Variants in PDIA5 observed in about 807,000 individuals in gnomAD.
PDIA5 encodes the protein protein disulfide isomerase family A member 5.
In PDIA5, 58 loss-of-function variants were observed where a neutral mutation model predicts 77.6. The observed-to-expected ratio is 0.75, with a 90% CI of 0.61 to 0.93. The LOEUF is 0.93. Among genes scored for constraint, PDIA5 ranks in the 40% least tolerant of loss-of-function variants. PDIA5 has a pLI of 0.00. For synonymous variants in PDIA5, 250 were observed against 252.1 expected (o/e 0.99, Z 0.08); for missense variants, 630 against 647.7 (o/e 0.97, Z 0.30).
chr3:123,118,087 C>A (rs1392621222), intron 8 of PDIA5, among the ~76,000 whole-genome samples: 2 of 152,214 alleles, frequency 1.3e-5, no homozygotes, highest in African/African-American at 4.8e-5. Context: ...AGTGGCAGCA[C>A]CTGGGCATGG....
At chr3:123,088,189 T>C (rs2107918399) in intron 1 of PDIA5, among the ~76,000 whole-genome samples, 1 of 152,342 alleles carries the variant, frequency 6.6e-6, no homozygotes, top group East Asian at 1.9e-4. Flanking sequence ...GTTGCCCAGC[T>C]GTGCAATCTG....
chr3:123,151,165 G>C (rs1007801956), intron 14 of PDIA5, among the ~76,000 whole-genome samples: 1 of 152,138 alleles, frequency 6.6e-6, no homozygotes, highest in Admixed American at 6.5e-5. Context: ...TGTTCTCAGG[G>C]TCTGAGAGGG....
intron 1 of PDIA5, 129 bp downstream of exon 1, chr3:123,067,335 A>C: frequency 1.2e-6 from 1 of 801,364 alleles, no homozygotes; most frequent in Non-Finnish European, 1.7e-6. Context: ...GAGGGCGTGC[A>C]TGCCAGGCAG....
chr3:123,149,127 A>G (rs1181654543), intron 13 of PDIA5, among the ~76,000 whole-genome samples: 3 of 152,208 alleles, frequency 2.0e-5, no homozygotes, highest in South Asian at 4.2e-4. Flanking sequence ...AGCACAGGAG[A>G]AGGTGAGAGG....
intron 13 of PDIA5, among the ~76,000 whole-genome samples, chr3:123,146,665 G>C (rs1297463263): frequency 6.6e-6 from 1 of 152,212 alleles, no homozygotes; most frequent in East Asian, 1.9e-4. Context: ...CCACAGGGCA[G>C]GCTATGGTGG....
At chr3:123,143,759 G>A (rs575885864) in intron 11 of PDIA5, among the ~76,000 whole-genome samples, 3 of 152,288 alleles carry the variant, frequency 2.0e-5, no homozygotes, top group Admixed American at 6.5e-5. Flanking sequence ...CCACTTGAGG[G>A]TTAGCAGTGT....
intron 10 of PDIA5, 43 bp from the exon 11 acceptor site, chr3:123,130,436 GC>G: frequency 6.3e-7 from 1 of 1,576,024 alleles, no homozygotes; most frequent in Non-Finnish European, 8.6e-7. Flanking sequence ...GGCTGCCAAG[GC>G]CCCAGGGCCT....
chr3:123,160,528 C>A (rs1028661224), intron 15 of PDIA5, among the ~76,000 whole-genome samples: 1 of 152,188 alleles, frequency 6.6e-6, no homozygotes, highest in Non-Finnish European at 1.5e-5. Context: ...TCATACAGAG[C>A]GCCTTTGCCC....
intron 5 of PDIA5, among the ~76,000 whole-genome samples, chr3:123,106,540 G>A (rs1256196701): frequency 6.6e-6 from 1 of 152,194 alleles, no homozygotes; most frequent in African/African-American, 2.4e-5. Flanking sequence ...CCCGATGGGA[G>A]TGGTGGAGGT....
intron 3 of PDIA5, among the ~76,000 whole-genome samples, chr3:123,102,198 C>G (rs2107932786): frequency 6.6e-6 from 1 of 152,312 alleles, no homozygotes; most frequent in South Asian, 2.1e-4. Flanking sequence ...GCGTGAGCCC[C>G]CACGCCCAGC....
At chr3:123,114,489 G>A (rs766776353) in intron 7 of PDIA5, among the ~76,000 whole-genome samples, 10 of 152,356 alleles carry the variant, frequency 6.6e-5, no homozygotes, top group South Asian at 2.1e-4. Context: ...GGCTTGGAGA[G>A]CCCAGGCCAC....
intron 3 of PDIA5, among the ~76,000 whole-genome samples, chr3:123,097,685 C>T (rs564931241): frequency 6.6e-6 from 1 of 151,888 alleles, no homozygotes; most frequent in Admixed American, 6.5e-5. Flanking sequence ...CAGCACTCGC[C>T]CCCGCCCCCT....
intron 2 of PDIA5, among the ~76,000 whole-genome samples, chr3:123,091,364 G>T (rs189142273): frequency 2.0e-5 from 3 of 152,114 alleles, no homozygotes; most frequent in Non-Finnish European, 4.4e-5. Flanking sequence ...GGTTTTTGGC[G>T]GGAGAAAGCA....
chr3:123,130,518 G>C lies in PDIA5; in HGVS notation c.812G>C (p.Trp271Ser). ...PPQPQVPETP[W>S]ADEGGSVYHL... is the part of the protein sequence containing the mutation. ...CAGCCCCAGGTCCCTGAGACTCCCTGGGCAGATGAGGGCGGCTCCGTTTAT... is the reference window on the plus strand; with the variant it reads ...CAGCCCCAGGTCCCTGAGACTCCCTCGGCAGATGAGGGCGGCTCCGTTTAT... The change falls in exon 11 of 17, where the codon TGG (tryptophan) becomes TCG (serine). Residue 271 changes from tryptophan to serine, a missense_variant. By Grantham distance (177) the Trp-to-Ser change is radical. Coordinates refer to ENST00000316218, the MANE Select transcript of PDIA5 (RefSeq NM_006810.4). The C allele has an allele frequency of 6.2e-7, 1 of 1,614,094 alleles. No individual in the cohort carries two copies. Among genetic ancestry groups the C allele is most frequent in the Non-Finnish European group, 8.5e-7 (1 of 1,179,968 alleles).
chr3:123,138,712 C>G (rs773155080), intron 11 of PDIA5, among the ~76,000 whole-genome samples: 3 of 152,122 alleles, frequency 2.0e-5, no homozygotes, highest in Non-Finnish European at 4.4e-5. Flanking sequence ...GGTGCTTATG[C>G]GTTTGGAAGC....
chr3:123,084,235 A>T (rs1304609321), intron 1 of PDIA5, among the ~76,000 whole-genome samples: 1 of 151,916 alleles, frequency 6.6e-6, no homozygotes, highest in African/African-American at 2.4e-5. Flanking sequence ...ACTTCCTTGC[A>T]CCTTCCCATT....
At chr3:123,129,485 C>T (rs948782965) in intron 10 of PDIA5, among the ~76,000 whole-genome samples, 2 of 152,222 alleles carry the variant, frequency 1.3e-5, no homozygotes, top group African/African-American at 4.8e-5. Flanking sequence ...TTTTCCAGCC[C>T]TGGCTGCTGG....
chr3:123,144,282 T>C (rs1486882659), intron 11 of PDIA5, among the ~76,000 whole-genome samples: 1 of 152,168 alleles, frequency 6.6e-6, no homozygotes, highest in Non-Finnish European at 1.5e-5. Flanking sequence ...ATTATAGCGT[T>C]CTCAGCTCCC....
chr3:123,082,572 C>T (rs1462688674), intron 1 of PDIA5, among the ~76,000 whole-genome samples: 2 of 152,122 alleles, frequency 1.3e-5, no homozygotes, highest in East Asian at 3.9e-4. Context: ...AATGTGTGTA[C>T]GTGTTCGCTC....
Sources: gnomAD v4.1 joint callset for allele counts (sites outside exome capture counted in the v4.1 genomes callset) on GRCh38, gnomAD v4.1.1 for gene constraint, MANE v1.5 for transcripts, NCBI Gene and HGNC (gene_info 2026-07-23, HGNC 2026-07-21) for gene names.